TADA2A: variants seen among roughly 807,000 people sequenced by gnomAD.
TADA2A encodes the protein transcriptional adaptor 2A, also known as transcriptional adapter 2-alpha.
In TADA2A, 38 loss-of-function variants were observed where a neutral mutation model predicts 67.4. The ratio of observed to expected loss-of-function variants is 0.56; its 90% CI spans 0.44 to 0.74. The LOEUF (loss-of-function observed/expected upper bound fraction) is 0.74, where lower values mean the gene tolerates loss of function less well. Among genes scored for constraint, TADA2A ranks in the 30% least tolerant of loss-of-function variants. TADA2A has a pLI of 0.00. For synonymous variants in TADA2A, 192 were observed against 181.6 expected (o/e 1.06, Z -0.46); for missense variants, 454 against 547.0 (o/e 0.83, Z 1.70).
chr17:37,449,925 T>C (rs990713800), intron 8 of TADA2A, among the ~76,000 whole-genome samples: 9 of 152,230 alleles, frequency 5.9e-5, no homozygotes, highest in Non-Finnish European at 8.8e-5. Context: ...GGAATAGATA[T>C]TTTCCTGTTT....
At chr17:37,449,180 C>G (rs1236949733) in intron 8 of TADA2A, among the ~76,000 whole-genome samples, 1 of 152,140 alleles carries the variant, frequency 6.6e-6, no homozygotes, top group Non-Finnish European at 1.5e-5. Context: ...GCCACCATGC[C>G]TGGCTAATTT....
rs374738355 is a variant in TADA2A, at chr17:37,444,685, C to T, written c.532-11C>T. ...GGTTTGGGGTGGGGATTTTTTTGTTCCCCTAAACAGGAATTTGACAATTAT... is the reference window on the plus strand; with the variant it reads ...GGTTTGGGGTGGGGATTTTTTTGTTTCCCTAAACAGGAATTTGACAATTAT... On this transcript the variant is annotated splice_polypyrimidine_tract_variant and intron_variant, in intron 7 of 15. Coordinates refer to ENST00000615182, the MANE Select transcript of TADA2A (RefSeq NM_001166105.3). 6.2e-7 allele frequency: 1 copy of T among 1,612,528 alleles called. No homozygotes were observed. Among genetic ancestry groups the T allele is most frequent in the Non-Finnish European group, 8.5e-7 (1 of 1,179,248 alleles).
chr17:37,461,836 G>T, intron 9 of TADA2A: 1 of 362,032 alleles, frequency 2.8e-6, no homozygotes. Context: ...TGATTCATTC[G>T]TTCAGCAAAT....
intron 4 of TADA2A, among the ~76,000 whole-genome samples, chr17:37,429,359 C>T (rs1402190364): frequency 1.3e-5 from 2 of 152,108 alleles, no homozygotes; most frequent in African/African-American, 2.4e-5. Context: ...AAAGTCCTTT[C>T]CCAGCAGTAC....
chr17:37,467,387 C>G (rs1359874788), intron 11 of TADA2A, 67 bp from the exon 12 acceptor site: 2 of 1,339,670 alleles, frequency 1.5e-6, no homozygotes, highest in Non-Finnish European at 2.1e-6. Flanking sequence ...TGCTCAATAG[C>G]AAAAGTGCTC....
chr17:37,442,198 C>CTTTTTTTTTTT (rs760306260), intron 6 of TADA2A, among the ~76,000 whole-genome samples: 19 of 75,384 alleles, frequency 2.5e-4, no homozygotes, highest in East Asian at 3.8e-4. Flanking sequence ...TTTTTCCCGT[C>CTTTTTTTTTTT]TTTTTTTTTT....
chr17:37,445,666 G>T (rs1038443225), intron 8 of TADA2A, among the ~76,000 whole-genome samples: 1 of 152,066 alleles, frequency 6.6e-6, no homozygotes, highest in Non-Finnish European at 1.5e-5. Flanking sequence ...GTTAAGAGTA[G>T]ATAGTTAGAC....
At chr17:37,435,522 T>C (rs2052697924) in intron 4 of TADA2A, among the ~76,000 whole-genome samples, 1 of 152,124 alleles carries the variant, frequency 6.6e-6, no homozygotes, top group Non-Finnish European at 1.5e-5. Flanking sequence ...TCTCCTGACC[T>C]CGTGATCTGC....
At chr17:37,415,879 A>AG (rs1448079361) in intron 2 of TADA2A, among the ~76,000 whole-genome samples, 1 of 150,520 alleles carries the variant, frequency 6.6e-6, no homozygotes, top group African/African-American at 2.5e-5. Flanking sequence ...CTTCTCAAAA[A>AG]AAAAAAAAAA....
intron 8 of TADA2A, among the ~76,000 whole-genome samples, chr17:37,455,820 T>C (rs12942190): frequency 1.7e-3 from 264 of 152,362 alleles, no homozygotes; most frequent in African/African-American, 5.5e-3. Context: ...CTGCTTATTT[T>C]TGGATCCCTG....
intron 2 of TADA2A, 41 bp from the exon 3 acceptor site, chr17:37,423,468 A>G (rs751740057): frequency 2.0e-6 from 3 of 1,471,002 alleles, no homozygotes; most frequent in East Asian, 4.6e-5. Context: ...AGATAACCGT[A>G]AGGTGGTCTG....
chr17:37,457,647 C>CT (rs1029293345), intron 8 of TADA2A, among the ~76,000 whole-genome samples: 3 of 151,896 alleles, frequency 2.0e-5, no homozygotes, highest in Non-Finnish European at 4.4e-5. Context: ...CAGGTAACTG[C>CT]TATCATGCCC....
chr17:37,459,533 T>C (rs1211281900), intron 9 of TADA2A, among the ~76,000 whole-genome samples: 17 of 151,228 alleles, frequency 1.1e-4, no homozygotes, highest in Non-Finnish European at 2.9e-5. Flanking sequence ...TCCATCCCCC[T>C]CTGCCTCCCA....
chr17:37,465,514 C>T lies in TADA2A; in HGVS notation c.796C>T (p.His266Tyr). The T allele has an allele frequency of 6.2e-7, 1 of 1,614,078 alleles. No homozygotes were observed. Among genetic ancestry groups the T allele is most frequent in the Non-Finnish European group, 8.5e-7 (1 of 1,180,022 alleles). The change falls in exon 11 of 16, where the codon CAT (histidine) becomes TAT (tyrosine). Residue 266 changes from histidine (H) to tyrosine (Y), a missense_variant. Around this residue, in one of 2 missense-constraint regions of TADA2A, gnomAD observed 403 missense variants for 455.5 expected, o/e 0.88. Transcript: ENST00000615182. ...TGCAAGAATTGTGGGGCCAGTGGAACATGACAAATTCATTGAAAGCCATGC... is the reference window on the plus strand; with the variant it reads ...TGCAAGAATTGTGGGGCCAGTGGAATATGACAAATTCATTGAAAGCCATGC... ...RFARIVGPVE[H>Y]DKFIESHALE...
Position 37,471,118 on chromosome 17 carries a change from T to G in TADA2A, c.1053T>G (p.Ile351Met), listed in dbSNP as rs2522969. Residue 351 changes from isoleucine to methionine, a missense_variant, in exon 14 of 16, where the codon ATT becomes ATG. Ile to Met is a conservative substitution (Grantham distance 10). Around this residue, in one of 2 missense-constraint regions of TADA2A, gnomAD observed 403 missense variants for 455.5 expected, o/e 0.88. Coordinates refer to ENST00000615182, the MANE Select transcript of TADA2A (RefSeq NM_001166105.3). ...GTGATTCCGGCCTGAGTCCTTCCAT[T>G]CCAATGGCTTCGAATTCAGGTAATT... is the stretch of plus-strand genomic sequence containing the variant. ...ADIDSGLSPS[I>M]PMASNSGRRS... The G allele has an allele frequency of 1.0e-3, 1,631 of 1,614,146 alleles. 17 individuals are homozygous for G. In the African/African-American group the frequency reaches 0.02, roughly 20 times the overall value.
At chr17:37,424,095 C>A (rs1190571567) in intron 3 of TADA2A, among the ~76,000 whole-genome samples, 1 of 152,072 alleles carries the variant, frequency 6.6e-6, no homozygotes, top group Non-Finnish European at 1.5e-5. Context: ...AGAAACAGAG[C>A]AGTTAGATGA....
chr17:37,478,834 A>T lies in TADA2A; in HGVS notation c.*1852A>T, dbSNP rs2053937268. On this transcript the variant is annotated 3_prime_UTR_variant, in exon 16 of 16. Transcript: ENST00000615182. ...TGGGAAGGGATTCATCTAAGGGATA[A>T]GAAATGAAAAAGACACTCTAAGGAC... 6.6e-6 allele frequency: 1 copy of T among 152,236 alleles called. No homozygotes were observed. Among genetic ancestry groups the T allele is most frequent in the African/African-American group, 2.4e-5 (1 of 41,462 alleles). The allele number at this position is 152,236 out of a possible 1,614,324, so 9.4% of individuals were successfully genotyped here.
At chr17:37,437,070 G>T (rs2052748563) in intron 4 of TADA2A, among the ~76,000 whole-genome samples, 1 of 151,406 alleles carries the variant, frequency 6.6e-6, no homozygotes, top group Admixed American at 6.6e-5. Context: ...GAAGTTCCTA[G>T]ATTCCATTTA....
At chr17:37,461,865 A>G (rs535098199) in intron 9 of TADA2A, 10 of 493,166 alleles carry the variant, frequency 2.0e-5, no homozygotes, top group East Asian at 1.5e-4. Flanking sequence ...AGAGTCTACT[A>G]TGCCCAACAA....
Sources: allele counts gnomAD v4.1 joint callset (sites outside exome capture counted in the v4.1 genomes callset), GRCh38; gene constraint gnomAD v4.1.1; regional missense constraint gnomAD v4.1.1; transcripts MANE v1.5; gene names NCBI Gene and HGNC (gene_info 2026-07-23, HGNC 2026-07-21).